Variants in DDB1 observed in about 807,000 individuals in gnomAD.
DDB1 encodes the protein DNA damage-binding protein 1.
Under a neutral mutation model 133.1 loss-of-function variants are expected in DDB1, and 18 were observed. The observed-to-expected ratio is 0.14, with a 90% confidence interval of 0.09 to 0.20. DDB1 has a LOEUF of 0.20. Ranked by LOEUF, DDB1 falls within the 10% of genes least tolerant of loss-of-function variation. DDB1 has a pLI of 1.00. For missense variants in DDB1, 828 were observed against 1,459.2 expected, an observed-to-expected ratio of 0.57 and a Z score of 7.05; for synonymous variants, 580 against 550.5, an observed-to-expected ratio of 1.05 and a Z score of -0.75.
At chr11:61,329,694 G>T in intron 3 of DDB1, 110 bp from the exon 4 acceptor site, 1 of 1,010,578 alleles carries the variant, frequency 9.9e-7, no homozygotes, top group Non-Finnish European at 1.4e-6. Flanking sequence ...AAAACTAATG[G>T]ATCTATTTGA....
rs1856419178 is a variant in DDB1 at position 61,332,726 on chromosome 11, A to G, written c.61+182T>C. On this transcript the variant is annotated intron_variant, in intron 1 of 26. Transcript: ENST00000301764. ...CCTCGAGAGCGGCTTCCAACCCCCA[A>G]AAAGCGCGTACAGGGACGACTCTTT... The G allele has an allele frequency of 1.3e-5, 6 of 477,428 alleles. No homozygotes were observed. In the East Asian group the frequency reaches 1.4e-4, roughly 11 times the overall value. 29.6% of individuals were successfully genotyped at this position (477,428 alleles called of 1,614,324 possible).
At position 61,329,971 on chromosome 11, in the gene DDB1, T is replaced by C. The variant is rs941406142; in HGVS notation, c.314A>G (p.His105Arg). 33 of 1,612,774 alleles carry C rather than the reference T, an allele frequency of 2.0e-5. No individual in the cohort carries two copies. Among genetic ancestry groups the C allele is most frequent in the Non-Finnish European group, 2.5e-5 (30 of 1,178,978 alleles). The change falls in exon 3 of 27, where the codon CAT becomes CGT. Residue 105 changes from histidine (H) to arginine (R), a missense_variant. Physicochemically the swap from His to Arg is conservative, Grantham distance 29. Around this residue, in one of 7 missense-constraint regions of DDB1, gnomAD observed 210 missense variants for 344.8 expected, o/e 0.61. Transcript: ENST00000301764. ...GESIDIITRA[H>R]GNVQDRIGRP... The stretch of plus-strand genomic sequence containing the variant: ...CAGCCACCTCACCTGGACATTGCCA[T>C]GGGCTCGCGTAATGATGTCAATGCT...
At chr11:61,306,202 G>T (rs1855880454) in intron 21 of DDB1, among the ~76,000 whole-genome samples, 1 of 152,122 alleles carries the variant, frequency 6.6e-6, no homozygotes, top group South Asian at 2.1e-4. Context: ...ATTAACCATG[G>T]ACAGCCACTT....
chr11:61,323,964 G>A lies in DDB1; in HGVS notation c.921+15C>T, dbSNP rs1393308904. Reference sequence around the variant, plus strand: ...TAAAAGAACATTGTAGAGGAACAGGGAGAACAAGCTCTACCTCTCCAAGGA... The same window carrying A: ...TAAAAGAACATTGTAGAGGAACAGGAAGAACAAGCTCTACCTCTCCAAGGA... On this transcript the variant is annotated intron_variant, in intron 7 of 26. Transcript: ENST00000301764. 1 of 1,613,426 alleles carries A rather than the reference G, an allele frequency of 6.2e-7. No individual in the cohort carries two copies. Among genetic ancestry groups the A allele is most frequent in the Non-Finnish European group, 8.5e-7 (1 of 1,179,704 alleles).
In DDB1 at chr11:61,304,096, C is replaced by G. The variant is rs1049362226; in HGVS notation, c.2662-61G>C. 5.0e-5 allele frequency: 80 copies of G among 1,591,904 alleles called. No individual in the cohort carries two copies. In the Admixed American group the frequency reaches 9.8e-4, roughly 19 times the overall value. Reference sequence around the variant, plus strand: ...CAGAGCTCTCTCAGAATGACTCCCCCCAACTCTTCGACCCTTCATCTGCAG... The same window carrying G: ...CAGAGCTCTCTCAGAATGACTCCCCGCAACTCTTCGACCCTTCATCTGCAG... On this transcript the variant is annotated intron_variant, in intron 21 of 26. Transcript: ENST00000301764.
At chr11:61,310,167 C>A in intron 19 of DDB1, 128 bp downstream of exon 19, 1 of 1,434,106 alleles carries the variant, frequency 7.0e-7, no homozygotes, top group Non-Finnish European at 9.5e-7. Flanking sequence ...TCACAGAATT[C>A]CCACCCCTCC....
At chr11:61,316,641 G>A in intron 10 of DDB1, 74 bp from the exon 11 acceptor site, 2 of 1,498,922 alleles carry the variant, frequency 1.3e-6, no homozygotes, top group Non-Finnish European at 1.9e-6. Flanking sequence ...GACAGGGCAG[G>A]CCAGGGGCAG....
rs76361322 is a variant in DDB1 at position 61,306,656 on chromosome 11, C to T, written c.2661+2327G>A. Among the ~76,000 whole-genome samples, 1,318 of 152,294 alleles carry T rather than the reference C, an allele frequency of 8.7e-3. 24 individuals are homozygous for T. The highest frequency in any genetic ancestry group is 0.029 in the African/African-American group (1,204 of 41,558). On this transcript the variant is annotated intron_variant, in intron 21 of 26. Coordinates refer to ENST00000301764, the MANE Select transcript of DDB1 (RefSeq NM_001923.5). ...AAGTAACTGCACTCTTCCTGAATCT[C>T]GTGTCCTCCGCTCTGCCTCTTCTCA... is the stretch of plus-strand genomic sequence containing the variant.
At chr11:61,308,168 C>T (rs1391216806) in intron 21 of DDB1, among the ~76,000 whole-genome samples, 1 of 152,210 alleles carries the variant, frequency 6.6e-6, no homozygotes, top group African/African-American at 2.4e-5. Context: ...CGTTCTGGCC[C>T]CTGGCTGTCC....
rs1856190747 is a variant in DDB1 at position 61,322,158 on chromosome 11, A to T, written c.1122+138T>A. Reference sequence around the variant, plus strand: ...GATAGGCACTCAATAAACAGTAGTTATCCTTATATCACTGGGATTCATGAG... The same window carrying T: ...GATAGGCACTCAATAAACAGTAGTTTTCCTTATATCACTGGGATTCATGAG... On this transcript the variant is annotated intron_variant, in intron 9 of 26. Transcript: ENST00000301764. The T allele has an allele frequency of 2.5e-5, 18 of 730,996 alleles. No individual in the cohort carries two copies. In the South Asian group the frequency reaches 2.8e-4, roughly 12 times the overall value. 45.3% of individuals were successfully genotyped at this position (730,996 alleles called of 1,614,324 possible). A position where few individuals can be genotyped will look rare whatever the true frequency, so the allele number is the denominator to read the frequency against.
chr11:61,309,294 C>T (rs1012569794), intron 20 of DDB1, among the ~76,000 whole-genome samples: 2 of 152,146 alleles, frequency 1.3e-5, no homozygotes, highest in South Asian at 4.1e-4. Flanking sequence ...AGGATCTGCC[C>T]CCTCGCCCTG....
chr11:61,303,012 C>T, intron 23 of DDB1, 34 bp downstream of exon 23: 15 of 1,591,988 alleles, frequency 9.4e-6, no homozygotes, highest in Non-Finnish European at 1.3e-5. Context: ...ACTCCCAGCC[C>T]TCCCCACCAC....
In DDB1 at chr11:61,300,797, C is replaced by T. The variant is rs1855780761; in HGVS notation, c.3339+12G>A. On this transcript the variant is annotated intron_variant, in intron 26 of 26. Transcript: ENST00000301764. ...ACTTGTCTGGCCCAGGGTTAAACAC[C>T]ACACAGCTCACCTGTAGGTTTGCCA... 1.9e-6 allele frequency: 3 copies of T among 1,614,092 alleles called. No homozygotes were observed. The highest frequency in any genetic ancestry group is 2.2e-5 in the South Asian group (2 of 91,068).
At chr11:61,321,084 G>A (rs148870474) in intron 10 of DDB1, among the ~76,000 whole-genome samples, 3 of 152,058 alleles carry the variant, frequency 2.0e-5, no homozygotes, top group African/African-American at 7.2e-5. Flanking sequence ...TGAGGTCTAC[G>A]TTGCCTAGGC....
intron 7 of DDB1, 199 bp downstream of exon 7, chr11:61,323,780 G>T: frequency 1.7e-6 from 1 of 575,542 alleles, no homozygotes. Flanking sequence ...CTCACAGGCT[G>T]CTTGGATAGA....
chr11:61,310,181 C>T (rs1855941179), intron 19 of DDB1, 114 bp downstream of exon 19: 1 of 1,475,922 alleles, frequency 6.8e-7, no homozygotes, highest in South Asian at 1.3e-5. Flanking sequence ...CCCCTCCTTT[C>T]TGCTCCTCCT....
chr11:61,303,177 G>T, intron 22 of DDB1, 22 bp from the exon 23 acceptor site: 1 of 1,608,148 alleles, frequency 6.2e-7, no homozygotes, highest in Non-Finnish European at 8.5e-7. Flanking sequence ...CAAGGTGAAA[G>T]AAGAAAGCAT....
At chr11:61,322,164 A>T in intron 9 of DDB1, 132 bp downstream of exon 9, 3 of 749,232 alleles carry the variant, frequency 4.0e-6, no homozygotes, top group South Asian at 1.6e-5. Flanking sequence ...AGTTATCCTT[A>T]TATCACTGGG....
chr11:61,310,058 A>G, intron 19 of DDB1, 98 bp from the exon 20 acceptor site: 1 of 1,513,220 alleles, frequency 6.6e-7, no homozygotes, highest in Non-Finnish European at 9.2e-7. Flanking sequence ...GGCAGTGACA[A>G]AGCGTGTACC....
Sources: allele counts gnomAD v4.1 joint callset (sites outside exome capture counted in the v4.1 genomes callset), GRCh38; gene constraint gnomAD v4.1.1; regional missense constraint gnomAD v4.1.1; transcripts MANE v1.5; gene names NCBI Gene and HGNC (gene_info 2026-07-23, HGNC 2026-07-21).